Variants in CILK1 observed in about 807,000 individuals in gnomAD.
CILK1 encodes the protein ciliogenesis associated kinase 1.
In CILK1, 47 loss-of-function variants were observed where a neutral mutation model predicts 79.2. The ratio of observed to expected loss-of-function variants is 0.59; its 90% CI spans 0.47 to 0.76. The LOEUF is 0.76. Among genes scored for constraint, CILK1 ranks in the 30% least tolerant of loss-of-function variants. The pLI is 0.00. For missense variants in CILK1, 660 were observed against 769.5 expected (o/e 0.86, Z 1.68); for synonymous variants, 266 against 275.9 (o/e 0.96, Z 0.36).
chr6:53,025,166 C>G (rs1037576792), intron 5 of CILK1, among the ~76,000 whole-genome samples: 1 of 152,106 alleles, frequency 6.6e-6, no homozygotes, highest in Non-Finnish European at 1.5e-5. Context: ...TGTTTTGATC[C>G]TCTCAAGTCT....
chr6:53,011,695 C>G, intron 11 of CILK1, 74 bp downstream of exon 11: 1 of 1,418,530 alleles, frequency 7.0e-7, no homozygotes, highest in South Asian at 1.2e-5. Flanking sequence ...TAAAACAGAA[C>G]CTTTGTGAAT....
chr6:53,059,632 G>C (rs1768248237), intron 1 of CILK1, among the ~76,000 whole-genome samples: 1 of 152,210 alleles, frequency 6.6e-6, no homozygotes, highest in Non-Finnish European at 1.5e-5. Context: ...ACAGCAAGAA[G>C]ACCAGACTGC....
intron 3 of CILK1, among the ~76,000 whole-genome samples, chr6:53,037,239 T>A (rs1048074276): frequency 6.6e-6 from 1 of 151,412 alleles, no homozygotes; most frequent in African/African-American, 2.4e-5. Flanking sequence ...GAGAGAAAAA[T>A]TGGAACAAAA....
At position 53,018,186 on chromosome 6, in the gene CILK1, G is replaced by C. The variant is rs150161942; in HGVS notation, c.663+144C>G. ...AGAGAAGCCGACCGTATCTGAGAAC[G>C]TGGGCAGTGGAGAATGACTGAGGTC... On this transcript the variant is annotated intron_variant, in intron 7 of 13. Transcript: ENST00000676107. 1.7e-5 allele frequency: 13 copies of C among 787,632 alleles called. No homozygotes were observed. The East Asian group carries it at 3.2e-4, about 19-fold the overall frequency. The allele number at this position is 787,632 out of a possible 1,614,324, so 48.8% of individuals were successfully genotyped here.
intron 5 of CILK1, among the ~76,000 whole-genome samples, chr6:53,020,079 G>C (rs558292175): frequency 1.3e-5 from 2 of 152,292 alleles, no homozygotes; most frequent in South Asian, 4.1e-4. Flanking sequence ...ATCTGAGATT[G>C]TGGTGTATGT....
At chr6:53,022,894 C>T (rs908216147) in intron 5 of CILK1, among the ~76,000 whole-genome samples, 1 of 152,082 alleles carries the variant, frequency 6.6e-6, no homozygotes, top group Non-Finnish European at 1.5e-5. Context: ...AGGCCCTCCC[C>T]TCTAACTCCA....
At chr6:53,014,310 T>C (rs1327856289) in intron 8 of CILK1, among the ~76,000 whole-genome samples, 1 of 152,220 alleles carries the variant, frequency 6.6e-6, no homozygotes, top group Non-Finnish European at 1.5e-5. Flanking sequence ...TATTTCATCC[T>C]TCCAAGCCTA....
At chr6:53,056,853 T>A (rs1767915443) in intron 1 of CILK1, among the ~76,000 whole-genome samples, 1 of 152,184 alleles carries the variant, frequency 6.6e-6, no homozygotes, top group South Asian at 2.1e-4. Flanking sequence ...CTCACTGTCA[T>A]CCCGTCACGC....
At chr6:53,053,425 A>G (rs1209931946) in intron 1 of CILK1, among the ~76,000 whole-genome samples, 3 of 152,238 alleles carry the variant, frequency 2.0e-5, no homozygotes, top group Admixed American at 6.5e-5. Flanking sequence ...TTTAGTACTT[A>G]GTATGTGCAT....
chr6:53,011,304 T>C (rs72932957), intron 11 of CILK1, among the ~76,000 whole-genome samples: 3 of 152,204 alleles, frequency 2.0e-5, no homozygotes, highest in Non-Finnish European at 1.5e-5. Context: ...AAGATAAAAA[T>C]GTGAGGCCTG....
chr6:53,019,075 G>T, intron 6 of CILK1, 152 bp downstream of exon 6: 1 of 723,312 alleles, frequency 1.4e-6, no homozygotes, highest in Non-Finnish European at 2.3e-6. Flanking sequence ...TTTTAACCTT[G>T]TACATTACCA....
intron 3 of CILK1, among the ~76,000 whole-genome samples, chr6:53,035,916 G>A (rs1372442564): frequency 6.6e-6 from 1 of 151,982 alleles, no homozygotes; most frequent in African/African-American, 2.4e-5. Context: ...GGGTTAGGCT[G>A]TGGCCCAGTG....
intron 5 of CILK1, among the ~76,000 whole-genome samples, chr6:53,027,012 C>T (rs1765622469): frequency 6.6e-6 from 1 of 152,204 alleles, no homozygotes; most frequent in South Asian, 2.1e-4. Context: ...ATTGATGAAT[C>T]AGATATGAAT....
chr6:53,047,383 T>C (rs1326768210), intron 1 of CILK1, among the ~76,000 whole-genome samples: 1 of 150,144 alleles, frequency 6.7e-6, no homozygotes, highest in Non-Finnish European at 1.5e-5. Flanking sequence ...CAGCTCACTG[T>C]GGCCTCAACC....
At chr6:53,017,114 TG>T (rs1764934890) in intron 7 of CILK1, among the ~76,000 whole-genome samples, 1 of 152,206 alleles carries the variant, frequency 6.6e-6, no homozygotes, top group Non-Finnish European at 1.5e-5. Flanking sequence ...GCAAGAGATG[TG>T]CAGGTACAGA....
Position 53,041,298 on chromosome 6 carries a change from A to C in CILK1, c.-62T>G. On this transcript the variant is annotated 5_prime_UTR_variant, in exon 2 of 14. Transcript: ENST00000676107. ...CGAAGTGGTTCAGTTCTGCAGTGGTAGCAGTCCTCCCCAGAGTGTAACCAG... is the reference window on the plus strand; with the variant it reads ...CGAAGTGGTTCAGTTCTGCAGTGGTCGCAGTCCTCCCCAGAGTGTAACCAG... 8.7e-7 allele frequency: 1 copy of C among 1,148,342 alleles called. No individual in the cohort carries two copies. The highest frequency in any genetic ancestry group is 1.3e-6 in the Non-Finnish European group (1 of 762,720). The allele number at this position is 1,148,342 out of a possible 1,614,324, so 71.1% of individuals were successfully genotyped here. A position where few individuals can be genotyped will look rare whatever the true frequency, so the allele number is the denominator to read the frequency against.
At chr6:53,019,462 G>T in intron 5 of CILK1, 103 bp from the exon 6 acceptor site, 2 of 1,314,664 alleles carry the variant, frequency 1.5e-6, no homozygotes, top group South Asian at 1.3e-5. Context: ...TTAAAAAGTA[G>T]TCTGGCATGG....
Position 53,024,833 on chromosome 6 carries a change from C to CTTT in CILK1, c.359-5477_359-5475dup, listed in dbSNP as rs11399655. Among the ~76,000 whole-genome samples the CTTT allele has an allele frequency of 5.6e-4, 75 of 133,892 alleles. 2 individuals are homozygous for CTTT. In the South Asian group the frequency reaches 0.015, roughly 27 times the overall value. The allele number at this position is 133,892 out of a possible 152,430, so 87.8% of individuals were successfully genotyped here. Reference sequence around the variant, plus strand: ...TCCCTTTCAATCCATATAGCTAAATCTTTTTTTTTTTTTTTTGTAAGACAG... The same window carrying CTTT: ...TCCCTTTCAATCCATATAGCTAAATCTTTTTTTTTTTTTTTTTTTGTAAGACAG... On this transcript the variant is annotated intron_variant, in intron 5 of 13. Coordinates refer to ENST00000676107, the MANE Select transcript of CILK1 (RefSeq NM_014920.5).
chr6:53,018,587 G>A, intron 6 of CILK1, 86 bp from the exon 7 acceptor site: 1 of 1,311,908 alleles, frequency 7.6e-7, no homozygotes, highest in South Asian at 1.3e-5. Flanking sequence ...GTGAGGGGGT[G>A]TATATGTTCC....
Sources: allele counts gnomAD v4.1 joint callset (sites outside exome capture counted in the v4.1 genomes callset), GRCh38; gene constraint gnomAD v4.1.1; transcripts MANE v1.5; gene names NCBI Gene and HGNC (gene_info 2026-07-23, HGNC 2026-07-21).